The following IGDCC4 variants were observed in gnomAD, a reference collection of about 807,000 sequenced individuals.
IGDCC4 encodes the protein likely ortholog of mouse neighbor of Punc E11.
Under a neutral mutation model 116.6 loss-of-function variants are expected in IGDCC4, and 72 were observed. The observed-to-expected ratio is 0.62, with a 90% CI of 0.51 to 0.75. The LOEUF (loss-of-function observed/expected upper bound fraction) is 0.75, where lower values mean the gene tolerates loss of function less well. Among genes scored for constraint, IGDCC4 ranks in the 30% least tolerant of loss-of-function variants. IGDCC4 has a pLI of 0.00. For synonymous variants in IGDCC4, 709 were observed against 719.9 expected, an observed-to-expected ratio of 0.98 and a Z score of 0.24; for missense variants, 1,501 against 1,662.4, an observed-to-expected ratio of 0.90 and a Z score of 1.69.
At chr15:65,396,446 C>T in intron 6 of IGDCC4, 1 of 614,644 alleles carries the variant, frequency 1.6e-6, no homozygotes, top group Non-Finnish European at 3.0e-6. Context: ...GGATCTAACC[C>T]CACCCCTAAA....
At chr15:65,386,156 C>T in intron 17 of IGDCC4, 97 bp from the exon 18 acceptor site, 1 of 778,920 alleles carries the variant, frequency 1.3e-6, no homozygotes, top group Non-Finnish European at 2.1e-6. Flanking sequence ...GAGGTTCCTG[C>T]CCATCTCTGG....
At chr15:65,419,304 C>T (rs1046125965) in intron 1 of IGDCC4, among the ~76,000 whole-genome samples, 4 of 150,580 alleles carry the variant, frequency 2.7e-5, no homozygotes, top group Admixed American at 6.6e-5. Context: ...TCAGCTCAAG[C>T]GATCCTCCTG....
At chr15:65,394,646 G>GA in intron 8 of IGDCC4, 98 bp from the exon 9 acceptor site, 1 of 1,239,962 alleles carries the variant, frequency 8.1e-7, no homozygotes, top group East Asian at 2.5e-5. Context: ...CAGCAAGTCA[G>GA]AAGTAGGCCA....
At chr15:65,413,547 A>T (rs1294242899) in intron 1 of IGDCC4, among the ~76,000 whole-genome samples, 1 of 152,178 alleles carries the variant, frequency 6.6e-6, no homozygotes, top group African/African-American at 2.4e-5. Context: ...ATTGGAACCA[A>T]TGTTCTGCAG....
Position 65,396,948 on chromosome 15 carries a change from T to G in IGDCC4, c.883A>C (p.Thr295Pro), listed in dbSNP as rs1209832186. ...ISTDVIVLGRTNLLIANAQPW... is the reference protein window; with the variant it reads ...ISTDVIVLGRPNLLIANAQPW... ...TGCGCGTTGGCAATTAGTAGGTTGG[T>G]GCGGCCCAGGACGATGACATCTGTG... The change falls in exon 6 of 20, where the codon ACC (threonine) becomes CCC (proline). Residue 295 changes from threonine to proline, a missense_variant. Physicochemically the swap from Thr to Pro is conservative, Grantham distance 38. Coordinates refer to ENST00000352385, the MANE Select transcript of IGDCC4 (RefSeq NM_020962.3). 1.3e-6 allele frequency: 2 copies of G among 1,578,052 alleles called. No individual in the cohort carries two copies. The highest frequency in any genetic ancestry group is 1.3e-5 in the African/African-American group (1 of 74,398).
chr15:65,401,839 G>A (rs1406188102), intron 4 of IGDCC4, among the ~76,000 whole-genome samples: 3 of 152,158 alleles, frequency 2.0e-5, no homozygotes, highest in South Asian at 2.1e-4. Context: ...CCCAAAGACT[G>A]TGCCCTTCCT....
chr15:65,389,364 T>C lies in IGDCC4; in HGVS notation c.2456A>G (p.Tyr819Cys). The change falls in exon 14 of 20, where the codon TAC becomes TGC. Residue 819 changes from tyrosine (Y) to cysteine (C), a missense_variant. Transcript: ENST00000352385. Reference protein sequence around the residue: ...LIGGLKPFTKYEFAVQSHGVD... With the variant: ...LIGGLKPFTKCEFAVQSHGVD... Reference sequence around the variant, plus strand: ...GCCGTGAGACTGCACTGCAAACTCGTATTTGGTGAATGGCTTCAAGCCGCC... The same window carrying C: ...GCCGTGAGACTGCACTGCAAACTCGCATTTGGTGAATGGCTTCAAGCCGCC... 1 of 1,614,176 alleles carries C rather than the reference T, an allele frequency of 6.2e-7. No individual in the cohort carries two copies. Among genetic ancestry groups the C allele is most frequent in the Non-Finnish European group, 8.5e-7 (1 of 1,180,030 alleles).
Position 65,396,076 on chromosome 15 carries a change from G to A in IGDCC4, c.1085C>T (p.Pro362Leu), listed in dbSNP as rs950583112. The change falls in exon 7 of 20, where the codon CCG (proline) becomes CTG (leucine). Residue 362 changes from proline (P) to leucine (L), a missense_variant. Transcript: ENST00000352385. ...ARFVCRASGEPRPALRWLHNG... is the reference protein window; with the variant it reads ...ARFVCRASGELRPALRWLHNG... ...GTGCAGCCAGCGCAGCGCTGGCCGC[G>A]GCTCCCCCGACGCGCGGCACACGAA... is the stretch of plus-strand genomic sequence containing the variant. The A allele has an allele frequency of 1.7e-5, 24 of 1,385,664 alleles. No individual in the cohort carries two copies. The highest frequency in any genetic ancestry group is 6.0e-5 in the East Asian group (2 of 33,120). The allele number at this position is 1,385,664 out of a possible 1,614,324, so 85.8% of individuals were successfully genotyped here.
chr15:65,385,891 A>C lies in IGDCC4; in HGVS notation c.3120T>G (p.Ala1040=), dbSNP rs575739089. Residue 1040 remains alanine (A), a synonymous_variant, in exon 18 of 20, where the codon GCT becomes GCG. Transcript: ENST00000352385. ...SPPPSDVEDR[A]EVHSLMGGGV... is the part of the protein sequence containing the mutation. ...CGCCACCCATAAGGCTGTGCACTTC[A>C]GCCCTGTCCTCCACGTCTGAGGGTG... The C allele has an allele frequency of 5.0e-6, 8 of 1,612,706 alleles. No individual in the cohort carries two copies. In the African/African-American group the frequency reaches 9.3e-5, roughly 19 times the overall value.
At chr15:65,407,338 TTTA>T (rs142431798) in intron 3 of IGDCC4, among the ~76,000 whole-genome samples, 7 of 151,552 alleles carry the variant, frequency 4.6e-5, no homozygotes, top group African/African-American at 1.5e-4. Flanking sequence ...TACAATATAA[TTTA>T]TTATTATTAT....
chr15:65,392,004 A>T, intron 11 of IGDCC4, 23 bp from the exon 12 acceptor site: 1 of 1,593,358 alleles, frequency 6.3e-7, no homozygotes, highest in African/African-American at 1.3e-5. Flanking sequence ...ACAGGGCTTA[A>T]TGGCTAGGGG....
At chr15:65,416,199 G>A (rs556669112) in intron 1 of IGDCC4, among the ~76,000 whole-genome samples, 2 of 139,434 alleles carry the variant, frequency 1.4e-5, no homozygotes, top group South Asian at 2.3e-4. Flanking sequence ...GTGTAGTGGC[G>A]CAATCTCGGC....
chr15:65,389,436 G>C (rs1373451015), intron 13 of IGDCC4, 25 bp from the exon 14 acceptor site: 17 of 1,614,014 alleles, frequency 1.1e-5, no homozygotes, highest in Non-Finnish European at 1.4e-5. Flanking sequence ...AACGTGACTA[G>C]TGCTCTCAGG....
At chr15:65,421,266 G>A (rs1035493227) in intron 1 of IGDCC4, among the ~76,000 whole-genome samples, 6 of 152,168 alleles carry the variant, frequency 3.9e-5, no homozygotes, top group Non-Finnish European at 8.8e-5. Flanking sequence ...CCCTGATGCC[G>A]TTTAGCTGGG....
rs73478580 is a variant in IGDCC4 at position 65,421,965 on chromosome 15, G to A, written c.70+828C>T. ...ACTTACCCCGTACCCACTCCGCACT[G>A]GGCTGCGGACTGGATGAGGCCCTGC... On this transcript the variant is annotated intron_variant, in intron 1 of 19. Coordinates refer to ENST00000352385, the MANE Select transcript of IGDCC4 (RefSeq NM_020962.3). Among the ~76,000 whole-genome samples, 494 of 152,212 alleles carry A rather than the reference G, an allele frequency of 3.2e-3. 5 individuals are homozygous for A. The highest frequency in any genetic ancestry group is 0.012 in the African/African-American group (482 of 41,530).
chr15:65,397,611 C>T (rs564660722), intron 5 of IGDCC4, among the ~76,000 whole-genome samples: 8 of 150,370 alleles, frequency 5.3e-5, no homozygotes, highest in African/African-American at 1.7e-4. Flanking sequence ...GGAAGGATCA[C>T]TTGAGACCAG....
intron 1 of IGDCC4, among the ~76,000 whole-genome samples, chr15:65,421,072 C>A (rs915882871): frequency 1.4e-4 from 21 of 152,200 alleles, no homozygotes; most frequent in African/African-American, 4.8e-4. Flanking sequence ...TGGAGTGTCC[C>A]CCGGCCTGCT....
rs757444845 is a variant in IGDCC4, at chr15:65,410,199, A to G, written c.542T>C (p.Val181Ala). 1 of 1,613,462 alleles carries G rather than the reference A, an allele frequency of 6.2e-7. No homozygotes were observed. Among genetic ancestry groups the G allele is most frequent in the Non-Finnish European group, 8.5e-7 (1 of 1,180,002 alleles). Residue 181 changes from valine (V) to alanine (A), a missense_variant, in exon 3 of 20, where the codon GTG (valine) becomes GCG (alanine). By Grantham distance (64) the Val-to-Ala change is moderately conservative (BLOSUM62 0). This residue lies in a region of IGDCC4 where 898 missense variants were observed against 978.9 expected (regional missense o/e 0.92). Coordinates refer to ENST00000352385, the MANE Select transcript of IGDCC4 (RefSeq NM_020962.3). ...APIITWEKDQVTLPEEPRLIV... is the reference protein window; with the variant it reads ...APIITWEKDQATLPEEPRLIV... ...TCACCGAGGCTCCTCAGGCAATGTC[A>G]CCTGGTCCTTCTCCCAAGTAATGAT...
Position 65,385,829 on chromosome 15 carries a change from AC to A in IGDCC4, c.3180+1del, listed in dbSNP as rs771616040. On this transcript the variant is annotated splice_donor_variant, in intron 18 of 19. Coordinates refer to ENST00000352385, the MANE Select transcript of IGDCC4 (RefSeq NM_020962.3). LOFTEE classifies it high-confidence loss of function. The stretch of plus-strand genomic sequence containing the variant: ...GAGCCGCAATGTGGGGCTCTGACTT[AC>A]CTTTCTTTTGGAGTGACTCCGGCCT... The A allele has an allele frequency of 8.1e-6, 13 of 1,610,610 alleles. No individual in the cohort carries two copies. In the Admixed American group the frequency reaches 1.8e-4, roughly 23 times the overall value.
Sources: allele counts gnomAD v4.1 joint callset (sites outside exome capture counted in the v4.1 genomes callset), GRCh38; gene constraint gnomAD v4.1.1; regional missense constraint gnomAD v4.1.1; transcripts MANE v1.5; gene names NCBI Gene and HGNC (gene_info 2026-07-23, HGNC 2026-07-21).